SHROOM3: variants seen among roughly 807,000 people sequenced by gnomAD.
SHROOM3 encodes the protein shroom family member 3.
A neutral mutation model predicts 138.6 loss-of-function variants in SHROOM3; 47 were observed. That is an observed-to-expected ratio of 0.34 (90% CI 0.27 to 0.43). The LOEUF is 0.43. Ranked by LOEUF, SHROOM3 falls within the 20% of genes least tolerant of loss-of-function variation. The pLI, the probability that SHROOM3 is intolerant of heterozygous loss-of-function variation, is 1.00. For missense variants in SHROOM3, 2,491 were observed against 2,596.5 expected (o/e 0.96, Z 0.88); for synonymous variants, 1,062 against 1,063.3 (o/e 1.00, Z 0.02).
intron 2 of SHROOM3, among the ~76,000 whole-genome samples, chr4:76,620,879 A>G (rs1212216272): frequency 6.6e-6 from 1 of 152,140 alleles, no homozygotes; most frequent in African/African-American, 2.4e-5. Context: ...ATCATTCAAC[A>G]GTCACTTCTA....
chr4:76,550,633 T>C (rs1733331316), intron 1 of SHROOM3, among the ~76,000 whole-genome samples: 4 of 152,082 alleles, frequency 2.6e-5, no homozygotes, highest in Non-Finnish European at 5.9e-5. Context: ...AGAGACAGTA[T>C]GGAGAGATGT....
intron 1 of SHROOM3, among the ~76,000 whole-genome samples, chr4:76,518,451 C>T (rs1429445202): frequency 1.3e-5 from 2 of 151,994 alleles, no homozygotes; most frequent in African/African-American, 4.8e-5. Context: ...ATTTCATTTT[C>T]TTTCCCCTCC....
chr4:76,525,777 T>C (rs1475271241), intron 1 of SHROOM3, among the ~76,000 whole-genome samples: 5 of 152,186 alleles, frequency 3.3e-5, no homozygotes, highest in Non-Finnish European at 5.9e-5. Context: ...TAGCAGGGTG[T>C]TAACTCTAAA....
intron 2 of SHROOM3, among the ~76,000 whole-genome samples, chr4:76,556,617 A>T (rs1386243656): frequency 6.6e-6 from 1 of 152,216 alleles, no homozygotes; most frequent in East Asian, 1.9e-4. Context: ...TGCATATTTG[A>T]ATATTTCTTC....
intron 1 of SHROOM3, among the ~76,000 whole-genome samples, chr4:76,503,904 C>T (rs1320776581): frequency 6.6e-6 from 1 of 152,134 alleles, no homozygotes; most frequent in African/African-American, 2.4e-5. Context: ...TTATTAAAGA[C>T]TTTTCCATCT....
At chr4:76,766,278 GTTA>G (rs1722153871) in intron 9 of SHROOM3, among the ~76,000 whole-genome samples, 1 of 152,244 alleles carries the variant, frequency 6.6e-6, no homozygotes, top group Non-Finnish European at 1.5e-5. Flanking sequence ...TTCGGCAGGT[GTTA>G]TTTTCTTCTC....
intron 9 of SHROOM3, among the ~76,000 whole-genome samples, chr4:76,764,113 T>C (rs1355248536): frequency 1.3e-5 from 2 of 152,218 alleles, no homozygotes; most frequent in Non-Finnish European, 2.9e-5. Flanking sequence ...AAATTAAAAA[T>C]AACACTTTAG....
At chr4:76,518,157 GACTCTTA>G (rs1268697155) in intron 1 of SHROOM3, among the ~76,000 whole-genome samples, 34 of 152,124 alleles carry the variant, frequency 2.2e-4, no homozygotes, top group Admixed American at 5.2e-4. Flanking sequence ...GTGAGAGCTT[GACTCTTA>G]AGAATCATAT....
chr4:76,436,503 A>G (rs1018872871), intron 1 of SHROOM3, among the ~76,000 whole-genome samples: 3 of 152,214 alleles, frequency 2.0e-5, no homozygotes, highest in Non-Finnish European at 4.4e-5. Context: ...TGAGCTTTTC[A>G]GTTATAAATC....
intron 3 of SHROOM3, 101 bp downstream of exon 3, chr4:76,710,388 A>G: frequency 1.4e-6 from 2 of 1,431,956 alleles, no homozygotes; most frequent in Non-Finnish European, 9.7e-7. Context: ...GATGGTCAGG[A>G]TACAGGCTGT....
At chr4:76,491,425 G>C (rs1023680530) in intron 1 of SHROOM3, among the ~76,000 whole-genome samples, 1 of 152,222 alleles carries the variant, frequency 6.6e-6, no homozygotes. Flanking sequence ...TTACTACACA[G>C]AAGCTTAAAA....
intron 1 of SHROOM3, among the ~76,000 whole-genome samples, chr4:76,488,823 T>C (rs183259180): frequency 1.3e-5 from 2 of 151,372 alleles, no homozygotes; most frequent in Admixed American, 1.3e-4. Flanking sequence ...TACTAACTCA[T>C]GTGATTCTCA....
At chr4:76,590,716 G>T (rs1734255163) in intron 2 of SHROOM3, among the ~76,000 whole-genome samples, 1 of 151,718 alleles carries the variant, frequency 6.6e-6, no homozygotes, top group African/African-American at 2.4e-5. Context: ...TTCTCCCCCG[G>T]GGTAGAAGTC....
rs57404445 is a variant in SHROOM3 at position 76,702,030 on chromosome 4, C to T, written c.324-8126C>T. Among the ~76,000 whole-genome samples the T allele has an allele frequency of 5.2e-3, 794 of 152,268 alleles. 3 individuals carry two copies. The highest frequency in any genetic ancestry group is 0.018 in the African/African-American group (748 of 41,556). On this transcript the variant is annotated intron_variant, in intron 2 of 10. Transcript: ENST00000296043. ...AGAGAAGAAAAATAGTACCCATAAT[C>T]CTGTCACCCAGTAGTAACATTTTGG...
At chr4:76,478,282 T>G (rs1731530281) in intron 1 of SHROOM3, among the ~76,000 whole-genome samples, 1 of 152,048 alleles carries the variant, frequency 6.6e-6, no homozygotes, top group Non-Finnish European at 1.5e-5. Flanking sequence ...GACACTCAAG[T>G]TTGGTGGGGG....
At chr4:76,592,577 G>A (rs1474835555) in intron 2 of SHROOM3, among the ~76,000 whole-genome samples, 1 of 152,154 alleles carries the variant, frequency 6.6e-6, no homozygotes, top group Non-Finnish European at 1.5e-5. Context: ...AGCTAAGAAG[G>A]TTCCAAGTCT....
At chr4:76,521,562 A>C (rs960808575) in intron 1 of SHROOM3, among the ~76,000 whole-genome samples, 1 of 152,246 alleles carries the variant, frequency 6.6e-6, no homozygotes, top group African/African-American at 2.4e-5. Flanking sequence ...ATGCAAGCCA[A>C]TACCACTCTA....
chr4:76,593,178 T>C (rs1212262002), intron 2 of SHROOM3, among the ~76,000 whole-genome samples: 1 of 152,220 alleles, frequency 6.6e-6, no homozygotes, highest in African/African-American at 2.4e-5. Context: ...TGATGATAAC[T>C]AGAGATGCTG....
At chr4:76,710,022 C>A in intron 2 of SHROOM3, 134 bp from the exon 3 acceptor site, 1 of 1,154,282 alleles carries the variant, frequency 8.7e-7, no homozygotes, top group Non-Finnish European at 1.3e-6. Context: ...GGCTTAGAAC[C>A]CTGCACTTAG....
Sources: gnomAD v4.1 joint callset for allele counts (sites outside exome capture counted in the v4.1 genomes callset) on GRCh38, gnomAD v4.1.1 for gene constraint, MANE v1.5 for transcripts, NCBI Gene and HGNC (gene_info 2026-07-23, HGNC 2026-07-21) for gene names.